The following ARHGAP24 variants were observed in gnomAD, a reference collection of about 807,000 sequenced individuals.
ARHGAP24 encodes rho GTPase-activating protein 24.
Under a neutral mutation model 76.4 loss-of-function variants are expected in ARHGAP24, and 50 were observed. That is an observed-to-expected ratio of 0.65 (90% CI 0.52 to 0.83). ARHGAP24 has a LOEUF of 0.83. ARHGAP24 is among the 40% of genes least tolerant of loss of function. The probability of loss-of-function intolerance (pLI) is 0.00; values close to 1 mark genes in which losing one functional copy is unlikely to be tolerated. For missense variants in ARHGAP24, 930 were observed against 914.2 expected (o/e 1.02, Z -0.22); for synonymous variants, 345 against 323.3 (o/e 1.07, Z -0.72).
At chr4:85,847,235 T>G (rs1234682457) in intron 3 of ARHGAP24, among the ~76,000 whole-genome samples, 1 of 152,170 alleles carries the variant, frequency 6.6e-6, no homozygotes, top group Non-Finnish European at 1.5e-5. Context: ...CACTAGAAAT[T>G]TTGCTTGATT....
intron 3 of ARHGAP24, among the ~76,000 whole-genome samples, chr4:85,769,538 A>T (rs962019791): frequency 6.6e-6 from 1 of 152,220 alleles, no homozygotes; most frequent in African/African-American, 2.4e-5. Flanking sequence ...ATGTGTGTAT[A>T]ATTATACATA....
At chr4:85,760,867 T>G (rs1489815116) in intron 3 of ARHGAP24, among the ~76,000 whole-genome samples, 1 of 152,204 alleles carries the variant, frequency 6.6e-6, no homozygotes, top group Non-Finnish European at 1.5e-5. Context: ...CATGTATGTT[T>G]TCTGCTTTCC....
intron 3 of ARHGAP24, among the ~76,000 whole-genome samples, chr4:85,873,589 T>C (rs79961411): frequency 2.2e-3 from 328 of 152,324 alleles, no homozygotes; most frequent in Non-Finnish European, 4.0e-3. Context: ...AATGTTGCCA[T>C]GGGTGTTCAG....
chr4:85,655,287 A>G (rs1237613251), intron 2 of ARHGAP24, among the ~76,000 whole-genome samples: 2 of 152,210 alleles, frequency 1.3e-5, no homozygotes, highest in Non-Finnish European at 1.5e-5. Context: ...TCTGATAAAC[A>G]TTTAACTAGA....
intron 1 of ARHGAP24, among the ~76,000 whole-genome samples, chr4:85,489,696 A>C (rs892893564): frequency 2.0e-5 from 3 of 152,188 alleles, no homozygotes; most frequent in African/African-American, 2.4e-5. Flanking sequence ...TCTGTAGCTC[A>C]AAAGAAAGAA....
chr4:85,690,864 C>A (rs1051361047), intron 2 of ARHGAP24, among the ~76,000 whole-genome samples: 11 of 149,162 alleles, frequency 7.4e-5, no homozygotes, highest in African/African-American at 2.5e-4. Flanking sequence ...TTAGTTATTT[C>A]TTTTCTTCTA....
chr4:85,778,799 T>C (rs1727409954), intron 3 of ARHGAP24: 1 of 985,392 alleles, frequency 1.0e-6, no homozygotes, highest in African/African-American at 1.7e-5. Flanking sequence ...AACTTAAATA[T>C]AGCTACCACC....
intron 3 of ARHGAP24, among the ~76,000 whole-genome samples, chr4:85,749,466 C>T (rs1726175843): frequency 6.6e-6 from 1 of 152,170 alleles, no homozygotes. Context: ...TTTTTCAGGA[C>T]TGCTCTATTC....
intron 1 of ARHGAP24, among the ~76,000 whole-genome samples, chr4:85,559,848 A>G (rs556341181): frequency 6.6e-6 from 1 of 152,220 alleles, no homozygotes; most frequent in East Asian, 1.9e-4. Context: ...AATAAGTTGA[A>G]TTTCTCATCT....
intron 2 of ARHGAP24, among the ~76,000 whole-genome samples, chr4:85,576,235 G>T (rs1727366778): frequency 6.6e-6 from 1 of 151,854 alleles, no homozygotes; most frequent in African/African-American, 2.4e-5. Context: ...GACTATCCTG[G>T]CTAACACGGT....
chr4:85,503,750 G>A (rs1355105786), intron 1 of ARHGAP24, among the ~76,000 whole-genome samples: 3 of 151,764 alleles, frequency 2.0e-5, no homozygotes, highest in African/African-American at 4.8e-5. Flanking sequence ...ATTTCTTACC[G>A]TCTGCTAACT....
intron 3 of ARHGAP24, among the ~76,000 whole-genome samples, chr4:85,853,185 G>A (rs1731337028): frequency 6.6e-6 from 1 of 152,180 alleles, no homozygotes; most frequent in Admixed American, 6.5e-5. Flanking sequence ...AGCAATGGTG[G>A]ACGCCCCTTC....
intron 3 of ARHGAP24, among the ~76,000 whole-genome samples, chr4:85,724,255 A>G (rs747670170): frequency 1.2e-4 from 18 of 152,170 alleles, no homozygotes; most frequent in Non-Finnish European, 2.1e-4. Flanking sequence ...ACAAGTGTCT[A>G]TCTTTACGGA....
In ARHGAP24 at chr4:85,570,661, G is replaced by A. The variant is rs201841441; in HGVS notation, c.120G>A (p.Trp40Ter). ...GGFVKTWHTR[W>*]FVLKGDQLYY... ...TTGTCAAGACTTGGCATACTCGCTG[G>A]TTTGTGCTCAAGGGGGATCAGCTCT... Residue 40 changes from tryptophan to a stop codon, truncating the protein, a stop_gained, in exon 2 of 10, where the codon TGG becomes TGA. Transcript: ENST00000395184. LOFTEE classifies it high-confidence loss of function. 1.1e-4 allele frequency: 175 copies of A among 1,613,992 alleles called. No individual in the cohort carries two copies. The highest frequency in any genetic ancestry group is 1.4e-4 in the Non-Finnish European group (166 of 1,180,010).
intron 3 of ARHGAP24, among the ~76,000 whole-genome samples, chr4:85,793,565 A>C (rs1318653224): frequency 1.3e-5 from 2 of 152,208 alleles, no homozygotes; most frequent in Non-Finnish European, 1.5e-5. Context: ...AAACTCTGTC[A>C]TCACATTATA....
At chr4:85,781,968 C>T (rs1397607639) in intron 3 of ARHGAP24, among the ~76,000 whole-genome samples, 12 of 133,270 alleles carry the variant, frequency 9.0e-5, no homozygotes, top group African/African-American at 3.2e-4. Context: ...ACCTGGTAGG[C>T]GGAGGTTTCA....
chr4:85,850,706 A>T (rs1731173287), intron 3 of ARHGAP24, among the ~76,000 whole-genome samples: 1 of 152,138 alleles, frequency 6.6e-6, no homozygotes, highest in African/African-American at 2.4e-5. Flanking sequence ...TTCATTACAT[A>T]CCCAGTAGTC....
intron 3 of ARHGAP24, among the ~76,000 whole-genome samples, chr4:85,842,546 TC>T (rs1730657764): frequency 6.6e-6 from 1 of 152,172 alleles, no homozygotes; most frequent in Non-Finnish European, 1.5e-5. Flanking sequence ...CCACTTTACC[TC>T]AATCTGGACT....
At chr4:85,828,508 C>CGT (rs200977940) in intron 3 of ARHGAP24, among the ~76,000 whole-genome samples, 41 of 146,796 alleles carry the variant, frequency 2.8e-4, no homozygotes, top group Admixed American at 6.8e-4. Flanking sequence ...TGTGTGTCTG[C>CGT]GTGTGTGTTT....
Sources: allele counts gnomAD v4.1 joint callset (sites outside exome capture counted in the v4.1 genomes callset), GRCh38; gene constraint gnomAD v4.1.1; transcripts MANE v1.5; gene names NCBI Gene and HGNC (gene_info 2026-07-23, HGNC 2026-07-21).